Variants in MARCHF8 observed in about 807,000 individuals in gnomAD.
The protein encoded by MARCHF8 is membrane associated ring-CH-type finger 8.
In MARCHF8, 40 loss-of-function variants were observed where a neutral mutation model predicts 51.6. The observed-to-expected ratio is 0.77, with a 90% CI of 0.60 to 1.01. MARCHF8 has a LOEUF of 1.01. Ranked by LOEUF, MARCHF8 falls within the 50% of genes least tolerant of loss-of-function variation. MARCHF8 has a pLI of 0.00. For missense variants in MARCHF8, 685 were observed against 708.6 expected (o/e 0.97, Z 0.38); for synonymous variants, 263 against 280.3 (o/e 0.94, Z 0.62).
chr10:45,547,464 T>C (rs757212074), intron 1 of MARCHF8, among the ~76,000 whole-genome samples: 4 of 152,118 alleles, frequency 2.6e-5, no homozygotes, highest in South Asian at 4.1e-4. Context: ...AAAAAGTTTT[T>C]ATGCAACTAG....
chr10:45,551,813 A>T (rs2044198112), intron 1 of MARCHF8, among the ~76,000 whole-genome samples: 1 of 151,758 alleles, frequency 6.6e-6, no homozygotes, highest in Non-Finnish European at 1.5e-5. Context: ...TCATCTAGCT[A>T]TCTATCTATA....
At chr10:45,513,762 T>TAC (rs927501846) in intron 2 of MARCHF8, among the ~76,000 whole-genome samples, 9 of 152,122 alleles carry the variant, frequency 5.9e-5, no homozygotes, top group Middle Eastern at 6.3e-3. Flanking sequence ...ATGTCTGGCT[T>TAC]ACACACACAC....
chr10:45,563,566 A>G (rs958358241), intron 1 of MARCHF8, among the ~76,000 whole-genome samples: 3 of 152,232 alleles, frequency 2.0e-5, no homozygotes, highest in African/African-American at 7.2e-5. Context: ...GAGGAAAAAT[A>G]CCATAAGAAA....
chr10:45,469,864 C>CAAAAA (rs55832920), intron 3 of MARCHF8, among the ~76,000 whole-genome samples: 6 of 57,034 alleles, frequency 1.1e-4, no homozygotes, highest in African/African-American at 1.4e-4. Flanking sequence ...GACTCCGTCT[C>CAAAAA]AAAAAAAAAA....
In MARCHF8 at chr10:45,459,152, G is replaced by C; in HGVS notation, c.1385C>G (p.Thr462Ser). Residue 462 changes from threonine to serine, a missense_variant, in exon 7 of 8, where the codon ACT becomes AGT. By Grantham distance (58) the Thr-to-Ser change is moderately conservative (BLOSUM62 1). Transcript: ENST00000453424. ...VWSLYVLIDR[T>S]AEEIKQGQAT... ...CTGCCCCTGCTTGATCTCCTCAGCA[G>C]TACGGTCAATGAGCACATACAAGGA... 6.2e-7 allele frequency: 1 copy of C among 1,614,012 alleles called. No homozygotes were observed. The highest frequency in any genetic ancestry group is 1.1e-5 in the South Asian group (1 of 91,062).
chr10:45,572,925 C>A (rs1011028466), intron 1 of MARCHF8, among the ~76,000 whole-genome samples: 1 of 152,006 alleles, frequency 6.6e-6, no homozygotes, highest in African/African-American at 2.4e-5. Context: ...ATCCTTTTAT[C>A]ACCTCCCCCT....
intron 3 of MARCHF8, among the ~76,000 whole-genome samples, chr10:45,478,872 C>A (rs959459573): frequency 6.6e-6 from 1 of 151,856 alleles, no homozygotes; most frequent in Non-Finnish European, 1.5e-5. Flanking sequence ...AATAAAAAGT[C>A]TCCTAACAAC....
At chr10:45,524,911 G>C (rs2043766500) in intron 2 of MARCHF8, among the ~76,000 whole-genome samples, 1 of 152,234 alleles carries the variant, frequency 6.6e-6, no homozygotes, top group Non-Finnish European at 1.5e-5. Context: ...ATAATACAGA[G>C]TAGGTTCAAG....
intron 1 of MARCHF8, among the ~76,000 whole-genome samples, chr10:45,590,761 T>C (rs377722183): frequency 1.3e-5 from 2 of 152,190 alleles, no homozygotes; most frequent in East Asian, 3.8e-4. Context: ...CAGTGGCTTA[T>C]ACCTGCAATC....
intron 1 of MARCHF8, among the ~76,000 whole-genome samples, chr10:45,568,470 C>A (rs1224827561): frequency 6.6e-6 from 1 of 152,164 alleles, no homozygotes; most frequent in Non-Finnish European, 1.5e-5. Context: ...CCCGTAATCT[C>A]AGCACTTTGG....
At chr10:45,556,854 T>G (rs1321111456) in intron 1 of MARCHF8, among the ~76,000 whole-genome samples, 8 of 152,170 alleles carry the variant, frequency 5.3e-5, no homozygotes, top group Non-Finnish European at 1.0e-4. Flanking sequence ...AAAGGATGAG[T>G]AAATAGAATC....
chr10:45,461,669 C>A (rs1238478598), intron 5 of MARCHF8: 1 of 310,384 alleles, frequency 3.2e-6, no homozygotes, highest in African/African-American at 2.1e-5. Flanking sequence ...ACAAAGCTGT[C>A]ATTTTTTGGT....
chr10:45,583,533 C>A (rs2044578727), intron 1 of MARCHF8, among the ~76,000 whole-genome samples: 2 of 152,084 alleles, frequency 1.3e-5, no homozygotes, highest in African/African-American at 4.8e-5. Flanking sequence ...ACACTCATCC[C>A]ACAAATATTT....
At chr10:45,521,995 G>A (rs1292471242) in intron 2 of MARCHF8, among the ~76,000 whole-genome samples, 3 of 151,944 alleles carry the variant, frequency 2.0e-5, no homozygotes, top group African/African-American at 7.3e-5. Flanking sequence ...CACCTTACAG[G>A]TATTTATGTT....
chr10:45,558,811 T>C (rs1166639368), intron 1 of MARCHF8, among the ~76,000 whole-genome samples: 1 of 152,226 alleles, frequency 6.6e-6, no homozygotes, highest in East Asian at 1.9e-4. Flanking sequence ...ATCTTTCACC[T>C]CTTCAATATT....
intron 2 of MARCHF8, among the ~76,000 whole-genome samples, chr10:45,509,473 T>C (rs2043453450): frequency 6.6e-6 from 1 of 152,212 alleles, no homozygotes; most frequent in South Asian, 2.1e-4. Flanking sequence ...ATAAATATTC[T>C]ATTTTCAGGG....
At chr10:45,476,240 C>T (rs923618177) in intron 3 of MARCHF8, among the ~76,000 whole-genome samples, 5 of 151,898 alleles carry the variant, frequency 3.3e-5, no homozygotes, top group Non-Finnish European at 5.9e-5. Context: ...TTATGAAATC[C>T]CAAAAAAAGA....
chr10:45,548,197 A>G (rs963791837), intron 1 of MARCHF8, among the ~76,000 whole-genome samples: 13 of 152,236 alleles, frequency 8.5e-5, no homozygotes, highest in Admixed American at 1.3e-4. Flanking sequence ...AAGGAAAACA[A>G]CAAAGCCTAA....
chr10:45,482,694 G>A (rs2042908774), intron 3 of MARCHF8, among the ~76,000 whole-genome samples: 1 of 152,208 alleles, frequency 6.6e-6, no homozygotes, highest in South Asian at 2.1e-4. Flanking sequence ...GGCAGAGGTT[G>A]CAGTGAGCCT....
Sources: allele counts gnomAD v4.1 joint callset (sites outside exome capture counted in the v4.1 genomes callset), GRCh38; gene constraint gnomAD v4.1.1; transcripts MANE v1.5; gene names NCBI Gene and HGNC (gene_info 2026-07-23, HGNC 2026-07-21).